The following PGBD5 variants were observed in gnomAD, a reference collection of about 807,000 sequenced individuals.
PGBD5 encodes piggyBac transposable element derived 5.
Under a neutral mutation model 47.9 loss-of-function variants are expected in PGBD5, and 14 were observed. The observed-to-expected ratio is 0.29, with a 90% confidence interval of 0.19 to 0.46. PGBD5 has a LOEUF of 0.46. Ranked by LOEUF, PGBD5 falls within the 20% of genes least tolerant of loss-of-function variation. PGBD5 has a pLI of 1.00. For synonymous variants in PGBD5, 316 were observed against 306.3 expected (o/e 1.03, Z -0.33); for missense variants, 635 against 716.0 (o/e 0.89, Z 1.29).
intron 1 of PGBD5, among the ~76,000 whole-genome samples, chr1:230,383,694 C>T (rs1197921579): frequency 3.3e-5 from 5 of 152,152 alleles, no homozygotes; most frequent in Admixed American, 2.6e-4. Context: ...CACAGTCTCT[C>T]GAGAGACTCC....
chr1:230,411,824 C>A (rs6700411), intron 1 of PGBD5, among the ~76,000 whole-genome samples: 1 of 151,912 alleles, frequency 6.6e-6, no homozygotes, highest in Non-Finnish European at 1.5e-5. Context: ...AAATTCACTT[C>A]GTCAACAAAT....
rs139003655 is a variant in PGBD5, at chr1:230,382,065, G to A, written c.332-24744C>T. Among the ~76,000 whole-genome samples, 1,055 of 148,210 alleles carry A rather than the reference G, an allele frequency of 7.1e-3. 15 individuals are homozygous for A. Among genetic ancestry groups the A allele is most frequent in the African/African-American group, 0.026 (966 of 37,728 alleles). On this transcript the variant is annotated intron_variant, in intron 1 of 6. Transcript: ENST00000391860. Reference sequence around the variant, plus strand: ...AACTTTCTACTGTGGACTACTGTTGGACGTTAGTACTGTAAGCTTTAGTCC... The same window carrying A: ...AACTTTCTACTGTGGACTACTGTTGAACGTTAGTACTGTAAGCTTTAGTCC...
intron 1 of PGBD5, among the ~76,000 whole-genome samples, chr1:230,383,489 T>TA (rs1334887246): frequency 6.6e-5 from 10 of 152,028 alleles, no homozygotes; most frequent in Non-Finnish European, 1.5e-4. Context: ...CACAGCCTCC[T>TA]AAATAGCTGG....
At chr1:230,349,787 AGCTGAGGCT>A (rs1462220223) in intron 3 of PGBD5, among the ~76,000 whole-genome samples, 1 of 152,182 alleles carries the variant, frequency 6.6e-6, no homozygotes, top group East Asian at 1.9e-4. Flanking sequence ...GGGGACAAGG[AGCTGAGGCT>A]GCACCTCCAG....
intron 1 of PGBD5, among the ~76,000 whole-genome samples, chr1:230,423,831 G>C (rs1657712794): frequency 6.6e-6 from 1 of 152,242 alleles, no homozygotes; most frequent in African/African-American, 2.4e-5. Flanking sequence ...TGTGAACTCA[G>C]TGGGCATCTG....
In PGBD5 at chr1:230,318,385, C is replaced by T. The variant is rs959145443; in HGVS notation, c.*5040G>A. The T allele has an allele frequency of 5.3e-5, 8 of 152,186 alleles. No individual in the cohort carries two copies. The highest frequency in any genetic ancestry group is 1.7e-4 in the African/African-American group (7 of 41,428). 9.4% of individuals were successfully genotyped at this position (152,186 alleles called of 1,614,324 possible). On this transcript the variant is annotated 3_prime_UTR_variant, in exon 7 of 7. Transcript: ENST00000391860. ...GCCTCAGTCATGTTCCTGATAAGAA[C>T]GGAAGGTATTTGGGCAGACAGCCAA...
intron 1 of PGBD5, among the ~76,000 whole-genome samples, chr1:230,406,331 A>AG (rs1657296692): frequency 6.6e-6 from 1 of 151,508 alleles, no homozygotes; most frequent in South Asian, 2.1e-4. Context: ...AAAAAAAAAA[A>AG]AAAGAAATTC....
At chr1:230,423,807 T>A (rs1657712407) in intron 1 of PGBD5, among the ~76,000 whole-genome samples, 1 of 152,204 alleles carries the variant, frequency 6.6e-6, no homozygotes, top group Admixed American at 6.5e-5. Flanking sequence ...AAGGACCTGA[T>A]TCTTCGGTCC....
chr1:230,396,987 C>T (rs532317567), intron 1 of PGBD5, among the ~76,000 whole-genome samples: 5 of 152,296 alleles, frequency 3.3e-5, no homozygotes, highest in African/African-American at 4.8e-5. Context: ...TTTGGAGTCA[C>T]GCCTTGGGGG....
At position 230,375,814 on chromosome 1, in the gene PGBD5, TTTTTG is replaced by T. The variant is rs372324617; in HGVS notation, c.332-18498_332-18494del. ...GTCAGGAGCACTTCTACAGTTGTTTTTTTTGTTTTGTTTTGTTTTGTTTTAATCCT... is the reference window on the plus strand; with the variant it reads ...GTCAGGAGCACTTCTACAGTTGTTTTTTTTGTTTTGTTTTGTTTTAATCCT... On this transcript the variant is annotated intron_variant, in intron 1 of 6. Transcript: ENST00000391860. 7.2e-5 allele frequency among the ~76,000 whole-genome samples: 11 copies of T among 151,988 alleles called. No individual in the cohort carries two copies. The South Asian group carries it at 1.0e-3, about 14-fold the overall frequency.
chr1:230,405,749 T>C (rs1401611833), intron 1 of PGBD5, among the ~76,000 whole-genome samples: 3 of 152,234 alleles, frequency 2.0e-5, no homozygotes, highest in African/African-American at 7.2e-5. Context: ...AAAGAACTGA[T>C]GACCAATGAG....
At chr1:230,355,638 A>G (rs1667625495) in intron 2 of PGBD5, among the ~76,000 whole-genome samples, 1 of 152,228 alleles carries the variant, frequency 6.6e-6, no homozygotes, top group Non-Finnish European at 1.5e-5. Context: ...GGTAAATGAC[A>G]CACTGGAGGA....
At position 230,323,337 on chromosome 1, in the gene PGBD5, C is replaced by T. The variant is rs114365172; in HGVS notation, c.*88G>A. 2.5e-3 allele frequency: 3,686 copies of T among 1,476,284 alleles called. 70 individuals are homozygous for T. In the African/African-American group the frequency reaches 0.043, roughly 17 times the overall value. The allele number at this position is 1,476,284 out of a possible 1,614,324, so 91.4% of individuals were successfully genotyped here. ...CCAGGCAGCAAGCCACACACCAGGC[C>T]GTGTCCGGGTCTCTGATGGGCAAGT... On this transcript the variant is annotated 3_prime_UTR_variant, in exon 7 of 7. Transcript: ENST00000391860. This position sits in a 1 kb window ranked among gnomAD's most constrained non-coding sequence, Gnocchi z 4.1.
intron 1 of PGBD5, among the ~76,000 whole-genome samples, chr1:230,406,311 C>CAAAAAAA (rs67577027): frequency 1.1e-4 from 6 of 54,642 alleles, no homozygotes; most frequent in Non-Finnish European, 1.7e-4. Context: ...GACTCCGTCT[C>CAAAAAAA]AAAAAAAAAA....
intron 1 of PGBD5, among the ~76,000 whole-genome samples, chr1:230,378,433 T>C (rs1382325653): frequency 6.6e-5 from 10 of 152,364 alleles, no homozygotes; most frequent in South Asian, 4.1e-4. Context: ...AATCTCCCAG[T>C]TACCTGGAGC....
rs1666962622 is a variant in PGBD5 at position 230,317,110 on chromosome 1, C to A, written c.*6315G>T. 1.3e-5 allele frequency: 2 copies of A among 152,302 alleles called. No individual in the cohort carries two copies. 9.4% of individuals were successfully genotyped at this position (152,302 alleles called of 1,614,324 possible). A position where few individuals can be genotyped will look rare whatever the true frequency, so the allele number is the denominator to read the frequency against. ...GACTGCCACCTCCCCCACACGGGGTCTCGGCCTCTGGCTGGAGCCTTCTTT... is the reference window on the plus strand; with the variant it reads ...GACTGCCACCTCCCCCACACGGGGTATCGGCCTCTGGCTGGAGCCTTCTTT... On this transcript the variant is annotated 3_prime_UTR_variant, in exon 7 of 7. Coordinates refer to ENST00000391860, the MANE Select transcript of PGBD5 (RefSeq NM_001258311.2).
chr1:230,385,526 T>C (rs1310823396), intron 1 of PGBD5, among the ~76,000 whole-genome samples: 1 of 152,140 alleles, frequency 6.6e-6, no homozygotes, highest in African/African-American at 2.4e-5. Flanking sequence ...GTTGCAGCAG[T>C]GCTGAGTCAA....
intron 1 of PGBD5, among the ~76,000 whole-genome samples, chr1:230,360,185 A>G (rs1306200354): frequency 2.0e-5 from 3 of 152,204 alleles, no homozygotes. Flanking sequence ...CCCCCAGGCC[A>G]TTTCAAAATG....
At chr1:230,400,729 C>T (rs1251957351) in intron 1 of PGBD5, among the ~76,000 whole-genome samples, 2 of 152,298 alleles carry the variant, frequency 1.3e-5, no homozygotes, top group South Asian at 4.1e-4. Context: ...TCAGCAGTCC[C>T]AGCTACTTAG....
Sources: allele counts gnomAD v4.1 joint callset (sites outside exome capture counted in the v4.1 genomes callset), GRCh38; gene constraint gnomAD v4.1.1; non-coding constraint Gnocchi (gnomAD v3.1); transcripts MANE v1.5; gene names NCBI Gene and HGNC (gene_info 2026-07-23, HGNC 2026-07-21).